Variants in PXDNL observed in about 807,000 individuals in gnomAD.
PXDNL encodes probable oxidoreductase PXDNL.
Under a neutral mutation model 150.8 loss-of-function variants are expected in PXDNL, and 145 were observed. That is an observed-to-expected ratio of 0.96 (90% CI 0.84 to 1.10). PXDNL has a LOEUF of 1.10. PXDNL is among the 50% of genes least tolerant of loss of function. The pLI is 0.00. For missense variants in PXDNL, 2,087 were observed against 1,873.9 expected, an observed-to-expected ratio of 1.11 and a Z score of -2.10; for synonymous variants, 757 against 725.7, an observed-to-expected ratio of 1.04 and a Z score of -0.69.
intron 8 of PXDNL, 70 bp downstream of exon 8, chr8:51,472,117 T>G: frequency 9.9e-7 from 1 of 1,008,360 alleles, no homozygotes; most frequent in African/African-American, 1.6e-5. Flanking sequence ...GATAAAGGAG[T>G]TAAATTGAGT....
chr8:51,741,006 A>G (rs2036901827), intron 1 of PXDNL, among the ~76,000 whole-genome samples: 1 of 152,074 alleles, frequency 6.6e-6, no homozygotes, highest in African/African-American at 2.4e-5. Context: ...CCTCCTTTTC[A>G]GCTGTTTCGA....
intron 3 of PXDNL, among the ~76,000 whole-genome samples, chr8:51,584,092 A>T (rs1380471222): frequency 6.6e-6 from 1 of 152,196 alleles, no homozygotes; most frequent in Non-Finnish European, 1.5e-5. Context: ...TTAATTAATA[A>T]GATATGTTAC....
At chr8:51,703,093 T>C (rs956379033) in intron 1 of PXDNL, among the ~76,000 whole-genome samples, 6 of 152,332 alleles carry the variant, frequency 3.9e-5, no homozygotes, top group South Asian at 2.1e-4. Context: ...TGAATGTGCA[T>C]ACAGTACCAG....
At chr8:51,321,550 C>T (rs946741246) in intron 21 of PXDNL, among the ~76,000 whole-genome samples, 2 of 151,844 alleles carry the variant, frequency 1.3e-5, no homozygotes, top group African/African-American at 4.8e-5. Flanking sequence ...CAGATTTCCC[C>T]CATGCTGTTC....
chr8:51,608,745 G>A (rs1813928550), intron 2 of PXDNL, among the ~76,000 whole-genome samples: 2 of 146,792 alleles, frequency 1.4e-5, no homozygotes, highest in African/African-American at 5.1e-5. Flanking sequence ...GCTGAGGCAG[G>A]AGAATGGCGT....
At chr8:51,768,870 C>T (rs10090429) in intron 1 of PXDNL, among the ~76,000 whole-genome samples, 3 of 152,000 alleles carry the variant, frequency 2.0e-5, no homozygotes, top group African/African-American at 4.8e-5. Flanking sequence ...CCAAGGTGGG[C>T]GGATCACGAG....
At chr8:51,640,399 A>C (rs1468871787) in intron 2 of PXDNL, among the ~76,000 whole-genome samples, 1 of 152,184 alleles carries the variant, frequency 6.6e-6, no homozygotes, top group African/African-American at 2.4e-5. Context: ...AATTAGGAAA[A>C]GAGGAAGTCA....
In PXDNL at chr8:51,409,491, A is replaced by G. The variant is rs372848766; in HGVS notation, c.2133T>C (p.Ala711=). ...SLIANLSGCT[A]RRPLPNCSNR... ...TGGAGCAGTTTGGCAGAGGCCTGCG[A>G]GCTGTGCATCCAGATAAATTGGCGA... Residue 711 remains alanine, a synonymous_variant, in exon 17 of 23, where the codon GCT becomes GCC. Transcript: ENST00000356297. 3.1e-6 allele frequency: 5 copies of G among 1,612,184 alleles called. No homozygotes were observed. Among genetic ancestry groups the G allele is most frequent in the Non-Finnish European group, 4.2e-6 (5 of 1,179,502 alleles).
In PXDNL at chr8:51,733,813, A is replaced by ATG. The variant is rs1491207953; in HGVS notation, c.164+75367_164+75368insCA. Among the ~76,000 whole-genome samples the ATG allele has an allele frequency of 1.1e-3, 3 of 2,670 alleles. No homozygotes were observed. The Non-Finnish European group carries it at 0.014, about 13-fold the overall frequency. 1.8% of individuals were successfully genotyped at this position (2,670 alleles called of 152,430 possible). ...ACACAGCAAGACTCTGTCTCAAATA[A>ATG]TATATATATATATATATATAATTTA... On this transcript the variant is annotated intron_variant, in intron 1 of 22. Transcript: ENST00000356297.
chr8:51,454,027 T>G (rs763374087), intron 9 of PXDNL, among the ~76,000 whole-genome samples: 1 of 152,252 alleles, frequency 6.6e-6, no homozygotes, highest in Non-Finnish European at 1.5e-5. Flanking sequence ...CGATGTGTTA[T>G]AGATACTGCA....
At chr8:51,587,685 C>T (rs892205857) in intron 3 of PXDNL, among the ~76,000 whole-genome samples, 1 of 152,166 alleles carries the variant, frequency 6.6e-6, no homozygotes, top group Non-Finnish European at 1.5e-5. Context: ...GATAAATACA[C>T]ATGTTGTTGA....
chr8:51,742,293 G>A (rs751510004), intron 1 of PXDNL, among the ~76,000 whole-genome samples: 24 of 152,176 alleles, frequency 1.6e-4, no homozygotes, highest in Non-Finnish European at 3.1e-4. Context: ...TCCTTGTGAC[G>A]AAACTGTTAT....
intron 3 of PXDNL, among the ~76,000 whole-genome samples, chr8:51,572,797 T>A (rs964589632): frequency 7.2e-5 from 11 of 152,020 alleles, no homozygotes; most frequent in South Asian, 2.1e-4. Flanking sequence ...TCTCTTTTTT[T>A]AAAAACACAC....
intron 3 of PXDNL, among the ~76,000 whole-genome samples, chr8:51,565,034 C>G (rs1414620070): frequency 6.6e-6 from 1 of 151,808 alleles, no homozygotes; most frequent in Non-Finnish European, 1.5e-5. Flanking sequence ...GAGGGGACAT[C>G]CTGGCCTTGT....
intron 19 of PXDNL, among the ~76,000 whole-genome samples, chr8:51,358,267 A>G (rs770313815): frequency 1.3e-5 from 2 of 152,198 alleles, no homozygotes; most frequent in Non-Finnish European, 2.9e-5. Context: ...CCAGGCTAAA[A>G]GACAGGAGGG....
At chr8:51,321,352 A>G (rs931427606) in intron 21 of PXDNL, among the ~76,000 whole-genome samples, 2 of 152,232 alleles carry the variant, frequency 1.3e-5, no homozygotes, top group African/African-American at 2.4e-5. Context: ...CTCCAACTTT[A>G]CAATTTGGTA....
chr8:51,780,301 A>C (rs147650238), intron 1 of PXDNL, among the ~76,000 whole-genome samples: 53 of 152,294 alleles, frequency 3.5e-4, no homozygotes, highest in African/African-American at 1.1e-3. Flanking sequence ...TGCACAATAA[A>C]GTTTGAGGGA....
At chr8:51,523,530 C>T (rs1413150558) in intron 4 of PXDNL, among the ~76,000 whole-genome samples, 2 of 152,148 alleles carry the variant, frequency 1.3e-5, no homozygotes, top group Admixed American at 6.6e-5. Context: ...CAACATTTAG[C>T]TCTTAAGTGT....
intron 17 of PXDNL, among the ~76,000 whole-genome samples, chr8:51,402,798 C>T (rs1808296943): frequency 6.6e-6 from 1 of 152,012 alleles, no homozygotes; most frequent in African/African-American, 2.4e-5. Flanking sequence ...GTGGTGTAAT[C>T]ACGCCTGTAA....
Sources: allele counts gnomAD v4.1 joint callset (sites outside exome capture counted in the v4.1 genomes callset), GRCh38; gene constraint gnomAD v4.1.1; transcripts MANE v1.5; gene names NCBI Gene and HGNC (gene_info 2026-07-23, HGNC 2026-07-21).